Variants in MNAT1 observed in about 807,000 individuals in gnomAD.
MNAT1 encodes the protein CDK-activating kinase assembly factor MAT1.
A neutral mutation model predicts 42.0 loss-of-function variants in MNAT1; 43 were observed. The observed-to-expected ratio is 1.02, with a 90% CI of 0.80 to 1.32. MNAT1 has a LOEUF of 1.32. Ranked by LOEUF, MNAT1 falls within the 40% of genes most tolerant of loss-of-function variation. The pLI is 0.00. For missense variants in MNAT1, 306 were observed against 350.4 expected (o/e 0.87, Z 1.01); for synonymous variants, 118 against 120.0 (o/e 0.98, Z 0.11).
At chr14:60,742,422 CT>C (rs1430168797) in intron 1 of MNAT1, among the ~76,000 whole-genome samples, 1 of 152,068 alleles carries the variant, frequency 6.6e-6, no homozygotes, top group African/African-American at 2.4e-5. Flanking sequence ...TTAGTGGTTT[CT>C]TTCAGCATAT....
At chr14:60,954,060 T>C (rs2036434462) in intron 7 of MNAT1, among the ~76,000 whole-genome samples, 1 of 152,302 alleles carries the variant, frequency 6.6e-6, no homozygotes, top group East Asian at 1.9e-4. Context: ...GTTCCATTGG[T>C]GTATACTGTT....
At chr14:60,854,098 G>T (rs1331106541) in intron 6 of MNAT1, among the ~76,000 whole-genome samples, 1 of 152,112 alleles carries the variant, frequency 6.6e-6, no homozygotes, top group Non-Finnish European at 1.5e-5. Flanking sequence ...TTCAGCTATT[G>T]ATACTTGTGT....
intron 7 of MNAT1, among the ~76,000 whole-genome samples, chr14:60,967,501 A>G (rs1003567557): frequency 3.3e-5 from 5 of 151,960 alleles, no homozygotes; most frequent in South Asian, 2.1e-4. Flanking sequence ...AGATTGTCCA[A>G]TGTTTTTTAG....
At chr14:60,759,399 AT>A (rs2030501098) in intron 1 of MNAT1, among the ~76,000 whole-genome samples, 1 of 152,186 alleles carries the variant, frequency 6.6e-6, no homozygotes, top group Non-Finnish European at 1.5e-5. Context: ...CTTGCACAGC[AT>A]TTAAATTAAA....
intron 6 of MNAT1, among the ~76,000 whole-genome samples, chr14:60,878,060 C>A (rs368685599): frequency 9.3e-5 from 14 of 150,244 alleles, no homozygotes; most frequent in Admixed American, 5.3e-4. Flanking sequence ...TTTGAGCTTT[C>A]AAAAAAAACA....
At chr14:60,781,300 A>G (rs2031452239) in intron 1 of MNAT1, among the ~76,000 whole-genome samples, 1 of 152,276 alleles carries the variant, frequency 6.6e-6, no homozygotes, top group Admixed American at 6.5e-5. Flanking sequence ...TGTGTGGTGT[A>G]ATTTGCCTGC....
chr14:60,961,660 C>T (rs1044848920), intron 7 of MNAT1, among the ~76,000 whole-genome samples: 3 of 152,126 alleles, frequency 2.0e-5, no homozygotes, highest in Non-Finnish European at 2.9e-5. Context: ...CTGGATTATA[C>T]GGTCAATGAG....
rs763156249 is a variant in MNAT1, at chr14:60,811,997, A to G, written c.431A>G (p.Gln144Arg). The change falls in exon 5 of 8, where the codon CAG (glutamine) becomes CGG (arginine). Residue 144 changes from glutamine (Q) to arginine (R), a missense_variant. By Grantham distance (43) the Gln-to-Arg change is conservative. Around this residue, in one of 3 missense-constraint regions of MNAT1, gnomAD observed 118 missense variants for 99.8 expected, o/e 1.18. Coordinates refer to ENST00000261245, the MANE Select transcript of MNAT1 (RefSeq NM_002431.4). Reference protein sequence around the residue: ...QKNKLKLTREQEELEEALEVE... With the variant: ...QKNKLKLTREREELEEALEVE... Reference sequence around the variant, plus strand: ...AAATTTTTGTTTTAGACTCGAGAACAGGAAGAACTGGAAGAAGCTTTAGAA... The same window carrying G: ...AAATTTTTGTTTTAGACTCGAGAACGGGAAGAACTGGAAGAAGCTTTAGAA... 3.0e-5 allele frequency: 48 copies of G among 1,585,318 alleles called. No homozygotes were observed. The highest frequency in any genetic ancestry group is 1.7e-4 in the Middle Eastern group (1 of 5,912).
intron 1 of MNAT1, among the ~76,000 whole-genome samples, chr14:60,737,636 TA>T (rs748554779): frequency 6.6e-6 from 1 of 152,082 alleles, no homozygotes; most frequent in Non-Finnish European, 1.5e-5. Context: ...CAGTATATCA[TA>T]AGATATAACA....
intron 1 of MNAT1, among the ~76,000 whole-genome samples, chr14:60,762,444 T>A (rs1435209928): frequency 4.6e-5 from 7 of 151,660 alleles, no homozygotes; most frequent in Non-Finnish European, 1.0e-4. Flanking sequence ...ATTTAGGAGG[T>A]GGAGGTGGGA....
At chr14:60,857,284 C>G (rs1411492589) in intron 6 of MNAT1, among the ~76,000 whole-genome samples, 1 of 152,166 alleles carries the variant, frequency 6.6e-6, no homozygotes, top group Non-Finnish European at 1.5e-5. Flanking sequence ...AAGTTAATTC[C>G]AACCCCCATG....
intron 7 of MNAT1, among the ~76,000 whole-genome samples, chr14:60,957,337 G>C (rs1268663644): frequency 6.6e-6 from 1 of 152,178 alleles, no homozygotes; most frequent in Non-Finnish European, 1.5e-5. Context: ...AGGTTTAATT[G>C]ACTCTCAGTT....
intron 6 of MNAT1, among the ~76,000 whole-genome samples, chr14:60,879,370 A>G (rs2034499435): frequency 6.6e-6 from 1 of 152,212 alleles, no homozygotes; most frequent in South Asian, 2.1e-4. Context: ...AAATGTTTTT[A>G]AAATCCATGC....
intron 7 of MNAT1, among the ~76,000 whole-genome samples, chr14:60,955,636 G>A (rs1566578527): frequency 6.6e-6 from 1 of 152,060 alleles, no homozygotes; most frequent in Non-Finnish European, 1.5e-5. Flanking sequence ...ACTCAAACCT[G>A]GGCAACAAGA....
intron 7 of MNAT1, among the ~76,000 whole-genome samples, chr14:60,911,877 G>T (rs925863392): frequency 2.2e-4 from 34 of 152,116 alleles, no homozygotes; most frequent in Non-Finnish European, 3.5e-4. Context: ...GGATATCCTT[G>T]TTAACTTTCT....
Position 60,798,097 on chromosome 14 carries a change from AG to A in MNAT1, c.256del (p.Glu86LysfsTer7). On this transcript the variant is annotated frameshift_variant, in exon 3 of 8. Transcript: ENST00000261245. LOFTEE classifies it high-confidence loss of function. ...RKKVLKIYNK[R>X]EEDFPSLREY... is the part of the protein sequence containing the mutation. ...TTTCTTTTCTTAAAGATACAATAAA[AG>A]GGAAGAAGATTTTCCTAGTCTAAGA... The A allele has an allele frequency of 7.0e-7, 1 of 1,426,248 alleles. No individual in the cohort carries two copies. 88.3% of individuals were successfully genotyped at this position (1,426,248 alleles called of 1,614,324 possible).
chr14:60,793,080 A>G (rs1357124626), intron 1 of MNAT1, among the ~76,000 whole-genome samples: 1 of 151,152 alleles, frequency 6.6e-6, no homozygotes. Context: ...GTTCACTGGT[A>G]TGATCACAGC....
chr14:60,963,718 G>A (rs569340300), intron 7 of MNAT1, among the ~76,000 whole-genome samples: 1 of 152,204 alleles, frequency 6.6e-6, no homozygotes, highest in Non-Finnish European at 1.5e-5. Flanking sequence ...CTAAAAAAAC[G>A]GGCCACCTTG....
rs2036335022 is a variant in MNAT1 at position 60,949,107 on chromosome 14, ATTTAT to A, written c.810-19116_810-19112del. ...AAGGATGGACTTTTATCCTCTTGATATTTATTTTATATTTTTTTGAAAATTATTTT... is the reference window on the plus strand; with the variant it reads ...AAGGATGGACTTTTATCCTCTTGATATTTATATTTTTTTGAAAATTATTTT... On this transcript the variant is annotated intron_variant, in intron 7 of 7. Transcript: ENST00000261245. Among the ~76,000 whole-genome samples, 4 of 152,124 alleles carry A rather than the reference ATTTAT, an allele frequency of 2.6e-5. No individual in the cohort carries two copies. In the South Asian group the frequency reaches 8.3e-4, roughly 31 times the overall value.
Sources: gnomAD v4.1 joint callset for allele counts (sites outside exome capture counted in the v4.1 genomes callset) on GRCh38, gnomAD v4.1.1 for gene constraint, gnomAD v4.1.1 regional missense constraint, MANE v1.5 for transcripts, NCBI Gene and HGNC (gene_info 2026-07-23, HGNC 2026-07-21) for gene names.